The following SHISA9 variants were observed in gnomAD, a reference collection of about 807,000 sequenced individuals.
The protein encoded by SHISA9 is shisa family member 9, also known as protein shisa-9.
Under a neutral mutation model 38.0 loss-of-function variants are expected in SHISA9, and 13 were observed. The observed-to-expected ratio is 0.34, with a 90% CI of 0.22 to 0.54. The LOEUF (loss-of-function observed/expected upper bound fraction) is 0.54. Ranked by LOEUF, SHISA9 falls within the 20% of genes least tolerant of loss-of-function variation. The probability of loss-of-function intolerance (pLI) is 0.91; values close to 1 mark genes in which losing one functional copy is unlikely to be tolerated. For synonymous variants in SHISA9, 275 were observed against 242.0 expected (o/e 1.14, Z -1.27); for missense variants, 538 against 575.8 (o/e 0.93, Z 0.67).
the SHISA9 span, among the ~76,000 whole-genome samples, chr16:13,390,382 G>T: frequency 6.6e-6 from 1 of 152,026 alleles, no homozygotes; most frequent in Non-Finnish European, 1.5e-5. Flanking sequence ...TGTCTATCTC[G>T]GCTCAGTTGT....
At chr16:12,934,398 ATAAAT>A (rs2141747763) in intron 2 of SHISA9, among the ~76,000 whole-genome samples, 1 of 152,318 alleles carries the variant, frequency 6.6e-6, no homozygotes, top group East Asian at 1.9e-4. Flanking sequence ...CCTTGGCCAA[ATAAAT>A]TAAAGACTCC....
the SHISA9 span, among the ~76,000 whole-genome samples, chr16:13,397,251 G>C: frequency 6.6e-6 from 1 of 152,128 alleles, no homozygotes; most frequent in Non-Finnish European, 1.5e-5. Context: ...TATCCCCCTG[G>C]CAGGGCTTGT....
At chr16:12,929,537 A>G (rs275391) in intron 2 of SHISA9, among the ~76,000 whole-genome samples, 123,785 of 151,676 alleles carry the variant, frequency 0.82, 51,218 homozygotes, top group African/African-American at 0.94. Flanking sequence ...ACCAATGCAG[A>G]AACAGAAAAG....
At chr16:13,193,994 C>G (rs926303421) in intron 2 of SHISA9, among the ~76,000 whole-genome samples, 21 of 152,182 alleles carry the variant, frequency 1.4e-4, no homozygotes, top group African/African-American at 2.9e-4. Flanking sequence ...TTTCCCACAA[C>G]TCATCCAACA....
the SHISA9 span, among the ~76,000 whole-genome samples, chr16:13,363,113 T>C: frequency 1.8e-4 from 27 of 152,136 alleles, no homozygotes; most frequent in African/African-American, 6.0e-4. Context: ...GATGAGAGAA[T>C]GTGGATTTGG....
At chr16:13,367,315 G>T in the SHISA9 span, among the ~76,000 whole-genome samples, 1 of 147,660 alleles carries the variant, frequency 6.8e-6, no homozygotes. Context: ...CTAAATTCAG[G>T]CAAACTAGAT....
At chr16:13,096,129 A>G (rs1053622853) in intron 2 of SHISA9, among the ~76,000 whole-genome samples, 3 of 152,214 alleles carry the variant, frequency 2.0e-5, no homozygotes, top group African/African-American at 7.2e-5. Context: ...CTCTATTTCT[A>G]TGTCTATGAA....
At chr16:12,968,948 A>T (rs952684182) in intron 2 of SHISA9, among the ~76,000 whole-genome samples, 4 of 152,028 alleles carry the variant, frequency 2.6e-5, no homozygotes, top group Non-Finnish European at 5.9e-5. Context: ...TGAGGTCAGG[A>T]GTTCGAGACC....
intron 2 of SHISA9, among the ~76,000 whole-genome samples, chr16:12,965,959 T>C (rs2071972716): frequency 6.6e-5 from 10 of 152,232 alleles, no homozygotes; most frequent in Admixed American, 6.5e-4. Context: ...CATACTTCAC[T>C]GCATTGAAAC....
chr16:13,346,545 C>T, the SHISA9 span, among the ~76,000 whole-genome samples: 1 of 152,094 alleles, frequency 6.6e-6, no homozygotes, highest in African/African-American at 2.4e-5. Context: ...CAAAGGATGT[C>T]AAGAACAAAA....
the SHISA9 span, among the ~76,000 whole-genome samples, chr16:13,554,594 C>A: frequency 1.3e-5 from 2 of 150,554 alleles, no homozygotes; most frequent in Non-Finnish European, 2.9e-5. Context: ...CAGGTTCAAG[C>A]AATTCTCCTG....
At chr16:13,357,258 G>A in the SHISA9 span, among the ~76,000 whole-genome samples, 25 of 152,266 alleles carry the variant, frequency 1.6e-4, no homozygotes, top group East Asian at 3.3e-3. Context: ...GACCGGCGCC[G>A]GAGTTTTGGG....
At chr16:13,005,006 C>T (rs1567178807) in intron 2 of SHISA9, among the ~76,000 whole-genome samples, 1 of 116,560 alleles carries the variant, frequency 8.6e-6, no homozygotes, top group East Asian at 2.8e-4. Flanking sequence ...TAGCTGCAAT[C>T]CATAGAACCT....
At chr16:13,018,820 G>A (rs553707881) in intron 2 of SHISA9, among the ~76,000 whole-genome samples, 1 of 152,274 alleles carries the variant, frequency 6.6e-6, no homozygotes, top group East Asian at 1.9e-4. Flanking sequence ...ATTCAGTTCA[G>A]GGGGTAATCT....
At chr16:13,035,682 C>T (rs569668356) in intron 2 of SHISA9, among the ~76,000 whole-genome samples, 1 of 152,214 alleles carries the variant, frequency 6.6e-6, no homozygotes, top group African/African-American at 2.4e-5. Context: ...GGGTACGCAC[C>T]ACCATGCCTG....
intron 2 of SHISA9, among the ~76,000 whole-genome samples, chr16:12,949,860 G>A (rs1567349745): frequency 6.6e-6 from 1 of 151,966 alleles, no homozygotes; most frequent in African/African-American, 2.4e-5. Context: ...TTATTTCTTT[G>A]TGTTGGGACC....
intron 2 of SHISA9, among the ~76,000 whole-genome samples, chr16:13,070,945 G>A (rs893367374): frequency 2.6e-5 from 4 of 152,126 alleles, no homozygotes; most frequent in Non-Finnish European, 5.9e-5. Flanking sequence ...GCTCCTTAAT[G>A]TTCTCTTGCT....
chr16:13,381,684 C>G, the SHISA9 span, among the ~76,000 whole-genome samples: 1 of 151,948 alleles, frequency 6.6e-6, no homozygotes, highest in Non-Finnish European at 1.5e-5. Context: ...AACCTAATTT[C>G]TAAATTAAGA....
the SHISA9 span, among the ~76,000 whole-genome samples, chr16:13,313,838 TC>T: frequency 1.3e-5 from 2 of 152,208 alleles, no homozygotes; most frequent in Non-Finnish European, 2.9e-5. Context: ...GTCACAACCT[TC>T]TTCATTTCTG....
Sources: allele counts gnomAD v4.1 joint callset (sites outside exome capture counted in the v4.1 genomes callset), GRCh38; gene constraint gnomAD v4.1.1; transcripts MANE v1.5; gene names NCBI Gene and HGNC (gene_info 2026-07-23, HGNC 2026-07-21).